The following MPDZ variants were observed in gnomAD, a reference collection of about 807,000 sequenced individuals.
MPDZ encodes the protein multiple PDZ domain crumbs cell polarity complex component, also known as multiple PDZ domain protein.
MPDZ carries 234 observed loss-of-function variants against 239.1 expected under a neutral mutation model. The observed-to-expected ratio is 0.98, with a 90% CI of 0.88 to 1.09. MPDZ has a LOEUF of 1.09. Among genes scored for constraint, MPDZ ranks in the 50% least tolerant of loss-of-function variants. The pLI is 0.00. For missense variants in MPDZ, 3,175 were observed against 2,510.0 expected (o/e 1.26, Z -5.66); for synonymous variants, 1,048 against 881.3 (o/e 1.19, Z -3.35).
At chr9:13,190,055 C>A in intron 16 of MPDZ, 59 bp downstream of exon 16, 1 of 1,467,092 alleles carries the variant, frequency 6.8e-7, no homozygotes. Context: ...TCATCATCTG[C>A]TTTTTCTTTG....
intron 12 of MPDZ, among the ~76,000 whole-genome samples, chr9:13,202,309 A>G (rs1214813343): frequency 6.6e-6 from 1 of 152,156 alleles, no homozygotes; most frequent in South Asian, 2.1e-4. Context: ...TTGTCCTGCT[A>G]TGGGTCTCCA....
chr9:13,227,334 A>C (rs908963587), intron 3 of MPDZ, among the ~76,000 whole-genome samples: 1 of 152,144 alleles, frequency 6.6e-6, no homozygotes, highest in African/African-American at 2.4e-5. Context: ...AGGCATGATC[A>C]ATTATTATTT....
intron 27 of MPDZ, among the ~76,000 whole-genome samples, chr9:13,140,414 A>G (rs1947494093): frequency 6.9e-6 from 1 of 144,608 alleles, no homozygotes; most frequent in Non-Finnish European, 1.5e-5. Flanking sequence ...ATATATGTAT[A>G]TATATGAGCT....
At chr9:13,271,357 G>C (rs1214545863) in intron 1 of MPDZ, among the ~76,000 whole-genome samples, 3 of 152,154 alleles carry the variant, frequency 2.0e-5, no homozygotes, top group Non-Finnish European at 2.9e-5. Context: ...TGCTACTTTG[G>C]CATCAGTATT....
chr9:13,109,281 C>G lies in MPDZ; in HGVS notation c.5943-222G>C, dbSNP rs193030437. On this transcript the variant is annotated intron_variant, in intron 45 of 46. Transcript: ENST00000319217. ...TGAAATCCTACTTAACACCCTAATT[C>G]TATTACTCATTTACAGTTCCCTTAA... Among the ~76,000 whole-genome samples, 698 of 152,200 alleles carry G rather than the reference C, an allele frequency of 4.6e-3. 4 individuals carry two copies. Among genetic ancestry groups the G allele is most frequent in the African/African-American group, 0.016 (667 of 41,534 alleles).
chr9:13,239,816 T>G (rs930763749), intron 3 of MPDZ, among the ~76,000 whole-genome samples: 1 of 152,154 alleles, frequency 6.6e-6, no homozygotes, highest in Non-Finnish European at 1.5e-5. Context: ...CTCCTTTTTA[T>G]GCTTGTTAAG....
chr9:13,183,691 A>G (rs776286807), intron 18 of MPDZ, 106 bp from the exon 19 acceptor site: 77 of 1,107,432 alleles, frequency 7.0e-5, no homozygotes, highest in Non-Finnish European at 9.5e-5. Flanking sequence ...TCTTTTATCT[A>G]TTGTATTTTC....
At chr9:13,248,489 G>C (rs1283684852) in intron 2 of MPDZ, among the ~76,000 whole-genome samples, 12 of 151,934 alleles carry the variant, frequency 7.9e-5, no homozygotes, top group African/African-American at 7.3e-5. Flanking sequence ...ACTTACGCCA[G>C]ACAGTTTCCA....
At chr9:13,144,640 A>C (rs529224693) in intron 26 of MPDZ, among the ~76,000 whole-genome samples, 1 of 152,100 alleles carries the variant, frequency 6.6e-6, no homozygotes, top group South Asian at 2.1e-4. Context: ...ATGAGAGAAC[A>C]CTCTGGAAAG....
intron 1 of MPDZ, among the ~76,000 whole-genome samples, chr9:13,263,275 A>G (rs766548614): frequency 1.1e-4 from 17 of 152,178 alleles, no homozygotes; most frequent in African/African-American, 4.1e-4. Context: ...ATTTTTCATA[A>G]TAACTATTAC....
intron 1 of MPDZ, among the ~76,000 whole-genome samples, chr9:13,255,363 T>C (rs892819572): frequency 7.9e-5 from 12 of 152,244 alleles, no homozygotes; most frequent in Admixed American, 5.9e-4. Context: ...CTGGTAATGT[T>C]GATATTTTGC....
At chr9:13,224,095 TA>T (rs887214756) in intron 4 of MPDZ, among the ~76,000 whole-genome samples, 17 of 147,918 alleles carry the variant, frequency 1.1e-4, no homozygotes, top group Admixed American at 2.7e-4. Context: ...ATTTCTTTGT[TA>T]AAAAAAAAAG....
intron 1 of MPDZ, among the ~76,000 whole-genome samples, chr9:13,269,151 G>A (rs1208700408): frequency 4.6e-5 from 7 of 152,184 alleles, no homozygotes; most frequent in Non-Finnish European, 1.0e-4. Flanking sequence ...GCCAGGAGGG[G>A]TGAATGAGTG....
At chr9:13,198,843 G>C (rs1163626047) in intron 12 of MPDZ, among the ~76,000 whole-genome samples, 1 of 147,982 alleles carries the variant, frequency 6.8e-6, no homozygotes, top group Non-Finnish European at 1.5e-5. Flanking sequence ...CTCTAGCTTT[G>C]TTCTTTTTGC....
At position 13,126,808 on chromosome 9, in the gene MPDZ, G is replaced by T. The variant is rs769091651; in HGVS notation, c.4465-36C>A. 3 of 1,546,570 alleles carry T rather than the reference G, an allele frequency of 1.9e-6. No individual in the cohort carries two copies. The East Asian group carries it at 6.7e-5, about 35-fold the overall frequency. ...AAAAACAAAAATGCTCAGAAGACTT[G>T]AAACAGATTAATTTTATCCAAATGG... On this transcript the variant is annotated intron_variant, in intron 32 of 46. Transcript: ENST00000319217.
intron 3 of MPDZ, among the ~76,000 whole-genome samples, chr9:13,230,208 T>C (rs1219585470): frequency 3.3e-5 from 5 of 152,110 alleles, no homozygotes; most frequent in African/African-American, 1.2e-4. Context: ...CTGGTGGAAA[T>C]GTAAAATGGT....
intron 27 of MPDZ, 136 bp downstream of exon 27, chr9:13,143,330 A>T (rs1947971756): frequency 1.5e-6 from 1 of 653,546 alleles, no homozygotes; most frequent in East Asian, 2.7e-5. Flanking sequence ...TGCCCACTCC[A>T]AACAGCTTTG....
At chr9:13,159,880 C>T (rs2133479313) in intron 23 of MPDZ, among the ~76,000 whole-genome samples, 1 of 152,246 alleles carries the variant, frequency 6.6e-6, no homozygotes, top group Admixed American at 6.6e-5. Context: ...ACTCAAGTGT[C>T]ATGTCTTCCT....
chr9:13,165,531 T>A, intron 22 of MPDZ: 1 of 1,142,230 alleles, frequency 8.8e-7, no homozygotes, highest in Non-Finnish European at 1.2e-6. Flanking sequence ...GTTGTTTTTT[T>A]TCCCCCTTTC....
Sources: gnomAD v4.1 joint callset for allele counts (sites outside exome capture counted in the v4.1 genomes callset) on GRCh38, gnomAD v4.1.1 for gene constraint, MANE v1.5 for transcripts, NCBI Gene and HGNC (gene_info 2026-07-23, HGNC 2026-07-21) for gene names.